Variants in CDH13 observed in about 807,000 individuals in gnomAD.
CDH13 encodes cadherin-13.
Under a neutral mutation model 63.8 loss-of-function variants are expected in CDH13, and 24 were observed. The ratio of observed to expected loss-of-function variants is 0.38; its 90% confidence interval spans 0.27 to 0.53. CDH13 has a LOEUF of 0.53. CDH13 is among the 20% of genes least tolerant of loss of function. The pLI is 0.85. For synonymous variants in CDH13, 503 were observed against 355.3 expected (o/e 1.42, Z -4.67); for missense variants, 1,049 against 903.1 (o/e 1.16, Z -2.07).
At chr16:83,058,340 G>A (rs563133479) in intron 3 of CDH13, among the ~76,000 whole-genome samples, 1 of 152,258 alleles carries the variant, frequency 6.6e-6, no homozygotes, top group South Asian at 2.1e-4. Flanking sequence ...GTTCAAGTGG[G>A]GTTTTCTGCG....
chr16:82,695,152 G>A (rs1481186795), intron 1 of CDH13, among the ~76,000 whole-genome samples: 6 of 152,142 alleles, frequency 3.9e-5, no homozygotes, highest in Non-Finnish European at 5.9e-5. Flanking sequence ...CTGGTGGGCC[G>A]AGTCCAGACC....
intron 1 of CDH13, chr16:82,844,358 C>G (rs575802676): frequency 6.6e-6 from 1 of 152,122 alleles, no homozygotes; most frequent in South Asian, 2.1e-4. Context: ...TAATAAAACT[C>G]TGGGAGGCTG....
intron 5 of CDH13, among the ~76,000 whole-genome samples, chr16:83,325,138 T>C (rs2090331637): frequency 6.6e-6 from 1 of 152,248 alleles, no homozygotes; most frequent in South Asian, 2.1e-4. Flanking sequence ...TTTCATAAGT[T>C]CTTAAGTGAT....
At chr16:83,787,958 G>A (rs1915996368) in intron 13 of CDH13, among the ~76,000 whole-genome samples, 1 of 152,228 alleles carries the variant, frequency 6.6e-6, no homozygotes. Flanking sequence ...AGATCCAGGA[G>A]CAACTGGAAC....
At chr16:83,611,890 A>G (rs1330025545) in intron 8 of CDH13, among the ~76,000 whole-genome samples, 1 of 152,068 alleles carries the variant, frequency 6.6e-6, no homozygotes, top group Non-Finnish European at 1.5e-5. Context: ...CCACTATATG[A>G]TTACAGTCCT....
intron 1 of CDH13, among the ~76,000 whole-genome samples, chr16:82,856,200 C>T (rs1195036871): frequency 1.3e-5 from 2 of 151,568 alleles, no homozygotes; most frequent in Non-Finnish European, 2.9e-5. Context: ...CACTGTGAAA[C>T]CCCGTCTCTA....
At chr16:83,203,831 A>T (rs1354236895) in intron 4 of CDH13, among the ~76,000 whole-genome samples, 1 of 152,142 alleles carries the variant, frequency 6.6e-6, no homozygotes, top group African/African-American at 2.4e-5. Flanking sequence ...CAAGAGAGTA[A>T]GCATGTATAG....
intron 6 of CDH13, among the ~76,000 whole-genome samples, chr16:83,417,270 T>A (rs1285735110): frequency 6.6e-6 from 1 of 152,136 alleles, no homozygotes; most frequent in African/African-American, 2.4e-5. Flanking sequence ...AATTGACTCC[T>A]TATCTTCTCC....
Position 83,799,618 on chromosome 16 carries a change from A to C in CDH13, c.*4588A>C, listed in dbSNP as rs1044173870. The C allele has an allele frequency of 6.6e-6, 1 of 152,222 alleles. No homozygotes were observed. The highest frequency in any genetic ancestry group is 1.5e-5 in the Non-Finnish European group (1 of 68,042). 9.4% of individuals were successfully genotyped at this position (152,222 alleles called of 1,614,324 possible). A position where few individuals can be genotyped will look rare whatever the true frequency, so the allele number is the denominator to read the frequency against. ...CTACCTTTTCTGTTTACCAAATACT[A>C]AGAATAATAATCTAATAATCTGGCT... On this transcript the variant is annotated 3_prime_UTR_variant, in exon 14 of 14. Coordinates refer to ENST00000567109, the MANE Select transcript of CDH13 (RefSeq NM_001257.5).
intron 4 of CDH13, among the ~76,000 whole-genome samples, chr16:83,192,366 G>A (rs189667726): frequency 6.6e-6 from 1 of 152,192 alleles, no homozygotes; most frequent in African/African-American, 2.4e-5. Context: ...AGAATAAAGG[G>A]TCTTCTCCTG....
intron 2 of CDH13, among the ~76,000 whole-genome samples, chr16:82,950,914 G>A (rs1007466225): frequency 6.6e-6 from 1 of 151,446 alleles, no homozygotes; most frequent in Non-Finnish European, 1.5e-5. Flanking sequence ...ATAAAGAGAA[G>A]GAAACCAAAC....
At chr16:82,651,555 G>T (rs761027665) in intron 1 of CDH13, among the ~76,000 whole-genome samples, 1 of 152,244 alleles carries the variant, frequency 6.6e-6, no homozygotes, top group Middle Eastern at 3.4e-3. Flanking sequence ...CTCTGGCCAG[G>T]TCCTGAGAAA....
intron 1 of CDH13, among the ~76,000 whole-genome samples, chr16:82,710,273 T>C (rs2031810263): frequency 6.8e-6 from 1 of 146,392 alleles, no homozygotes; most frequent in African/African-American, 2.5e-5. Flanking sequence ...AAATATATTT[T>C]ATATGTTTAA....
intron 1 of CDH13, among the ~76,000 whole-genome samples, chr16:82,699,144 G>C (rs148117847): frequency 6.6e-6 from 1 of 152,180 alleles, no homozygotes; most frequent in South Asian, 2.1e-4. Flanking sequence ...ATAGAAGCCT[G>C]ATTGTTGAAG....
In CDH13 at chr16:83,412,157, C is replaced by T. The variant is rs114600204; in HGVS notation, c.781+67151C>T. Among the ~76,000 whole-genome samples, 766 of 152,304 alleles carry T rather than the reference C, an allele frequency of 5.0e-3. 9 individuals carry two copies. Among genetic ancestry groups the T allele is most frequent in the African/African-American group, 0.017 (715 of 41,556 alleles). On this transcript the variant is annotated intron_variant, in intron 6 of 13. Coordinates refer to ENST00000567109, the MANE Select transcript of CDH13 (RefSeq NM_001257.5). ...CATGTGGAATCATGTACTTCCTTTT[C>T]ACATTGTAAATGTGTCTACAAAGGC...
chr16:83,062,715 G>A (rs1003058014), intron 3 of CDH13, among the ~76,000 whole-genome samples: 8 of 152,136 alleles, frequency 5.3e-5, no homozygotes, highest in African/African-American at 1.9e-4. Context: ...TCCAAACTTA[G>A]AGACTTGAAA....
chr16:83,023,821 G>C (rs1021279478), intron 2 of CDH13, among the ~76,000 whole-genome samples: 7 of 152,158 alleles, frequency 4.6e-5, no homozygotes, highest in African/African-American at 1.7e-4. Flanking sequence ...TTTAGGATAT[G>C]ATTATAATTG....
intron 7 of CDH13, among the ~76,000 whole-genome samples, chr16:83,541,200 G>A (rs2075290189): frequency 6.6e-6 from 1 of 152,104 alleles, no homozygotes; most frequent in South Asian, 2.1e-4. Context: ...ATCTAACCCT[G>A]CTGCCTGTTG....
At chr16:83,623,189 G>A (rs1909970460) in intron 8 of CDH13, among the ~76,000 whole-genome samples, 1 of 152,168 alleles carries the variant, frequency 6.6e-6, no homozygotes, top group South Asian at 2.1e-4. Context: ...GAGGGGCTGA[G>A]AGGTGGGGCC....
Sources: allele counts gnomAD v4.1 joint callset (sites outside exome capture counted in the v4.1 genomes callset), GRCh38; gene constraint gnomAD v4.1.1; transcripts MANE v1.5; gene names NCBI Gene and HGNC (gene_info 2026-07-23, HGNC 2026-07-21).